The following PDCD6 variants were observed in gnomAD, a reference collection of about 807,000 sequenced individuals.
PDCD6 encodes programmed cell death protein 6.
Under a neutral mutation model 28.3 loss-of-function variants are expected in PDCD6, and 12 were observed. That is an observed-to-expected ratio of 0.42 (90% CI 0.27 to 0.69). PDCD6 has a LOEUF of 0.69. Among genes scored for constraint, PDCD6 ranks in the 30% least tolerant of loss-of-function variants. The pLI is 0.22. For synonymous variants in PDCD6, 92 were observed against 108.0 expected (o/e 0.85, Z 0.92); for missense variants, 226 against 269.9 (o/e 0.84, Z 1.14).
intron 4 of PDCD6, chr5:308,741 C>CA (rs1740700624): frequency 6.6e-6 from 1 of 152,232 alleles, no homozygotes; most frequent in Non-Finnish European, 1.5e-5. Flanking sequence ...TGGTGGCCAG[C>CA]AGGAGGGAAT....
intron 2 of PDCD6, chr5:289,003 A>G (rs1279883373): frequency 1.6e-6 from 2 of 1,240,744 alleles, no homozygotes; most frequent in Non-Finnish European, 2.4e-6. Context: ...TTACCTTCGG[A>G]ATGTAGTAAA....
chr5:308,714 G>A (rs1462633140), intron 4 of PDCD6: 1 of 152,210 alleles, frequency 6.6e-6, no homozygotes, highest in Admixed American at 6.5e-5. Context: ...ATGAAGCAGG[G>A]AGGCTGCACT....
intron 2 of PDCD6, among the ~76,000 whole-genome samples, chr5:282,442 G>A (rs1278505869): frequency 6.6e-6 from 1 of 151,802 alleles, no homozygotes; most frequent in Non-Finnish European, 1.5e-5. Context: ...GATGTAGTTT[G>A]AGGGTCTTGC....
At chr5:276,092 A>G in intron 2 of PDCD6, 1 of 1,061,822 alleles carries the variant, frequency 9.4e-7, no homozygotes. Context: ...AAATGAGTGT[A>G]GTGGTGCACG....
intron 4 of PDCD6, 86 bp from the exon 5 acceptor site, chr5:311,207 T>A: frequency 2.1e-6 from 2 of 959,810 alleles, no homozygotes; most frequent in Non-Finnish European, 3.3e-6. Flanking sequence ...TGTTAGAGGC[T>A]GTGGGCCTTG....
At chr5:295,452 A>C (rs1035139747) in intron 2 of PDCD6, among the ~76,000 whole-genome samples, 5 of 151,054 alleles carry the variant, frequency 3.3e-5, no homozygotes, top group African/African-American at 1.2e-4. Context: ...AGAGTAAATT[A>C]AAGCAATATA....
chr5:298,162 C>T (rs907454115), intron 2 of PDCD6, among the ~76,000 whole-genome samples: 10 of 152,272 alleles, frequency 6.6e-5, no homozygotes, highest in Middle Eastern at 3.4e-3. Flanking sequence ...TTCCCAGGCA[C>T]GGGTCGAGCT....
intron 2 of PDCD6, among the ~76,000 whole-genome samples, chr5:284,766 T>A: frequency 1.3e-5 from 2 of 149,984 alleles, no homozygotes; most frequent in Non-Finnish European, 3.0e-5. Context: ...GAGCTCATGT[T>A]CCAGTTTGAG....
In PDCD6 at chr5:290,247, C is replaced by A. The variant is rs1739235938; in HGVS notation, c.164-13930C>A. ...TTGGCTATATGACAAAGAAACTGAT[C>A]CAGGACAGGACAAACTTCCTTTTTC... On this transcript the variant is annotated intron_variant, in intron 2 of 5. Coordinates refer to ENST00000264933, the MANE Select transcript of PDCD6 (RefSeq NM_013232.4). The A allele has an allele frequency of 3.3e-6, 5 of 1,524,032 alleles. No individual in the cohort carries two copies. In the African/African-American group the frequency reaches 5.5e-5, roughly 17 times the overall value. The allele number at this position is 1,524,032 out of a possible 1,614,324, so 94.4% of individuals were successfully genotyped here.
At chr5:284,009 A>C (rs1738766969) in intron 2 of PDCD6, among the ~76,000 whole-genome samples, 1 of 152,074 alleles carries the variant, frequency 6.6e-6, no homozygotes, top group Non-Finnish European at 1.5e-5. Flanking sequence ...AGGGTGTTGC[A>C]GCTGAAGACT....
chr5:281,376 T>A (rs1259822064), intron 2 of PDCD6, among the ~76,000 whole-genome samples: 2 of 152,150 alleles, frequency 1.3e-5, no homozygotes, highest in East Asian at 3.9e-4. Flanking sequence ...GAGCCGGTGC[T>A]GCCTTTTAAG....
chr5:277,344 T>C (rs1282840618), intron 2 of PDCD6, among the ~76,000 whole-genome samples: 5 of 134,420 alleles, frequency 3.7e-5, no homozygotes, highest in South Asian at 2.5e-4. Flanking sequence ...CTCTGTCGCC[T>C]AGGCTGGAGT....
At chr5:272,289 G>A (rs1360643208) in intron 1 of PDCD6, among the ~76,000 whole-genome samples, 3 of 141,918 alleles carry the variant, frequency 2.1e-5, no homozygotes, top group Admixed American at 7.0e-5. Context: ...CAAGGAAGAA[G>A]CAGCGACCTG....
At chr5:271,979 G>C (rs1480271692) in intron 1 of PDCD6, among the ~76,000 whole-genome samples, 158 bp downstream of exon 1, 1 of 123,478 alleles carries the variant, frequency 8.1e-6, no homozygotes, top group Middle Eastern at 3.6e-3. Context: ...CCCTGCCGCC[G>C]CCCCCGACCC....
chr5:274,778 A>C (rs1000828805), intron 2 of PDCD6, among the ~76,000 whole-genome samples: 7 of 151,876 alleles, frequency 4.6e-5, no homozygotes, highest in African/African-American at 1.7e-4. Context: ...CTGTATTTTC[A>C]CCAGAGGGAG....
At chr5:279,479 G>A (rs1738428070) in intron 2 of PDCD6, among the ~76,000 whole-genome samples, 1 of 152,116 alleles carries the variant, frequency 6.6e-6, no homozygotes, top group African/African-American at 2.4e-5. Flanking sequence ...CTAGAGTCAA[G>A]GCCAGACTAG....
chr5:305,995 A>T lies in PDCD6; in HGVS notation c.209-607A>T, dbSNP rs1740455877. The T allele has an allele frequency of 6.5e-6, 1 of 153,536 alleles. No homozygotes were observed. Among genetic ancestry groups the T allele is most frequent in the African/African-American group, 2.4e-5 (1 of 41,456 alleles). The allele number at this position is 153,536 out of a possible 1,614,324, so 9.5% of individuals were successfully genotyped here. A position where few individuals can be genotyped will look rare whatever the true frequency, so the allele number is the denominator to read the frequency against. On this transcript the variant is annotated intron_variant, in intron 3 of 5. Coordinates refer to ENST00000264933, the MANE Select transcript of PDCD6 (RefSeq NM_013232.4). This position sits in a 1 kb window ranked among gnomAD's most constrained non-coding sequence, Gnocchi z 4.0. ...GCAGTAATTCACACTGAATTTTTCT[A>T]TGTTTTTTAGCCATATTGCAACTAC...
At chr5:295,093 G>C (rs182345224) in intron 2 of PDCD6, among the ~76,000 whole-genome samples, 1 of 152,142 alleles carries the variant, frequency 6.6e-6, no homozygotes, top group Non-Finnish European at 1.5e-5. Flanking sequence ...CTGCGGCTGA[G>C]GGGCTGTACA....
At position 311,420 on chromosome 5, in the gene PDCD6, C is replaced by G. The variant is rs773182042; in HGVS notation, c.477+18C>G. 6.3e-7 allele frequency: 1 copy of G among 1,576,016 alleles called. No homozygotes were observed. Among genetic ancestry groups the G allele is most frequent in the Non-Finnish European group, 8.7e-7 (1 of 1,145,600 alleles). ...TCCTGCAGGTGACGGAATGGCTTCA[C>G]GTGGGTTTGTGGTGGTGGTGGGAGG... On this transcript the variant is annotated intron_variant, in intron 5 of 5. Transcript: ENST00000264933.
Sources: allele counts gnomAD v4.1 joint callset (sites outside exome capture counted in the v4.1 genomes callset), GRCh38; gene constraint gnomAD v4.1.1; non-coding constraint Gnocchi (gnomAD v3.1); transcripts MANE v1.5; gene names NCBI Gene and HGNC (gene_info 2026-07-23, HGNC 2026-07-21).